Variants in INPP5J observed in about 807,000 individuals in gnomAD.
INPP5J encodes inositol polyphosphate-5-phosphatase J, also known as phosphatidylinositol 4,5-bisphosphate 5-phosphatase A.
A neutral mutation model predicts 86.6 loss-of-function variants in INPP5J; 75 were observed. The ratio of observed to expected loss-of-function variants is 0.87; its 90% CI spans 0.72 to 1.05. The LOEUF (loss-of-function observed/expected upper bound fraction) is 1.05. Ranked by LOEUF, INPP5J falls within the 50% of genes least tolerant of loss-of-function variation. The pLI is 0.00. For missense variants in INPP5J, 1,229 were observed against 1,341.2 expected, an observed-to-expected ratio of 0.92 and a Z score of 1.31; for synonymous variants, 540 against 550.0, an observed-to-expected ratio of 0.98 and a Z score of 0.25.
chr22:31,134,427 G>A lies in INPP5J; in HGVS notation c.*8G>A. The A allele has an allele frequency of 6.9e-7, 1 of 1,448,884 alleles. No homozygotes were observed. The highest frequency in any genetic ancestry group is 9.1e-7 in the Non-Finnish European group (1 of 1,100,642). 89.8% of individuals were successfully genotyped at this position (1,448,884 alleles called of 1,614,324 possible). ...GGGGGCCTGGGGCCCTGAGGGTGGG[G>A]TAGGCAGATGGGCCAAGGTGACCAC... On this transcript the variant is annotated 3_prime_UTR_variant, in exon 13 of 13. Transcript: ENST00000331075.
At chr22:31,127,179 C>T in intron 5 of INPP5J, 142 bp downstream of exon 5, 5 of 765,636 alleles carry the variant, frequency 6.5e-6, no homozygotes, top group Non-Finnish European at 1.1e-5. Context: ...CCACCCAATA[C>T]CCCATCCTAT....
Position 31,128,348 on chromosome 22 carries a change from G to A in INPP5J, c.2009+25G>A. 1.9e-6 allele frequency: 3 copies of A among 1,572,196 alleles called. No individual in the cohort carries two copies. The African/African-American group carries it at 4.0e-5, about 21-fold the overall frequency. ...GGTGAGCTCAGTCCGAGGAGGGACT[G>A]AGGGGAAGTGGGCTGAGGTCTTCTC... On this transcript the variant is annotated intron_variant, in intron 8 of 12. Coordinates refer to ENST00000331075, the MANE Select transcript of INPP5J (RefSeq NM_001284285.2).
At chr22:31,132,946 A>T (rs2413027) in intron 9 of INPP5J, among the ~76,000 whole-genome samples, 152 bp from the exon 10 acceptor site, 47,761 of 152,010 alleles carry the variant, frequency 0.31, 8,178 homozygotes, top group Middle Eastern at 0.48. Flanking sequence ...AGGGCTTGGT[A>T]TTTATACTAG....
In INPP5J at chr22:31,134,290, GC is replaced by G. The variant is rs776662867; in HGVS notation, c.2893del (p.Arg965AlafsTer2). 14 of 1,555,144 alleles carry G rather than the reference GC, an allele frequency of 9.0e-6. No individual in the cohort carries two copies. The highest frequency in any genetic ancestry group is 1.2e-5 in the Non-Finnish European group (14 of 1,150,060). On this transcript the variant is annotated frameshift_variant, in exon 13 of 13. Transcript: ENST00000331075. LOFTEE classifies it high-confidence loss of function. ...GAAGCCTGGGCCTGTTGCCCGCCTT[GC>G]GCCTAGAGACTGTAGACCCTGGTGG... ...PRSLGLLPALRLETVDPGGGG... is the reference protein window; with the variant it reads ...PRSLGLLPALXLETVDPGGGG...
rs752573804 is a variant in INPP5J, at chr22:31,134,162, C to T, written c.2764C>T (p.Arg922Ter). 3.1e-5 allele frequency: 48 copies of T among 1,549,340 alleles called. No individual in the cohort carries two copies. The highest frequency in any genetic ancestry group is 9.6e-5 in the African/African-American group (7 of 73,152). Residue 922 changes from arginine (R) to a stop codon, truncating the protein, a stop_gained, in exon 13 of 13, where the codon CGA becomes TGA. Coordinates refer to ENST00000331075, the MANE Select transcript of INPP5J (RefSeq NM_001284285.2). LOFTEE classifies it high-confidence loss of function. Reference protein sequence around the residue: ...SPSPQSRRLSRVAPDRSSNGS... With the variant: ...SPSPQSRRLS ...CTCACCCCAGAGCCGCCGCCTGTCC[C>T]GAGTGGCTCCTGACAGGAGCAGTAA...
Position 31,123,110 on chromosome 22 carries a change from A to G in INPP5J, c.96A>G (p.Ala32=). ...PMPQGVAQTG[A]PSKVDSSFQL... The stretch of plus-strand genomic sequence containing the variant: ...CCCAGGGTGTTGCCCAAACTGGGGC[A>G]CCCTCCAAGGTAAGACCCCTGAGAC... The change falls in exon 1 of 13, where the codon GCA becomes GCG. Residue 32 remains alanine, a synonymous_variant. Coordinates refer to ENST00000331075, the MANE Select transcript of INPP5J (RefSeq NM_001284285.2). 6.8e-7 allele frequency: 1 copy of G among 1,480,240 alleles called. No individual in the cohort carries two copies. Among genetic ancestry groups the G allele is most frequent in the Non-Finnish European group, 8.9e-7 (1 of 1,119,574 alleles). The allele number at this position is 1,480,240 out of a possible 1,614,324, so 91.7% of individuals were successfully genotyped here.
chr22:31,132,492 C>A (rs1227805217), intron 9 of INPP5J, among the ~76,000 whole-genome samples: 1 of 152,120 alleles, frequency 6.6e-6, no homozygotes, highest in Non-Finnish European at 1.5e-5. Flanking sequence ...ATAATCCCAG[C>A]ACTTTGGGAG....
intron 9 of INPP5J, among the ~76,000 whole-genome samples, chr22:31,130,696 A>G (rs979732731): frequency 1.3e-5 from 2 of 152,220 alleles, no homozygotes; most frequent in African/African-American, 4.8e-5. Context: ...CCATATGCCA[A>G]GCATTATGAG....
chr22:31,124,967 G>A lies in INPP5J; in HGVS notation c.228G>A (p.Arg76=), dbSNP rs749452197. The change falls in exon 2 of 13, where the codon AGG becomes AGA. Residue 76 remains arginine, a synonymous_variant. Coordinates refer to ENST00000331075, the MANE Select transcript of INPP5J (RefSeq NM_001284285.2). The part of the protein sequence containing the change: ...AAMSASSEGP[R]LALASPRPIL... ...TGTCAGCTTCCTCGGAAGGACCGAGGCTGGCTCTGGCATCTCCCCGACCAA... is the reference window on the plus strand; with the variant it reads ...TGTCAGCTTCCTCGGAAGGACCGAGACTGGCTCTGGCATCTCCCCGACCAA... 4.4e-6 allele frequency: 7 copies of A among 1,602,884 alleles called. No individual in the cohort carries two copies. The highest frequency in any genetic ancestry group is 1.6e-4 in the Middle Eastern group (1 of 6,076).
rs772668630 is a variant in INPP5J at position 31,134,312 on chromosome 22, G to A, written c.2914G>A (p.Gly972Ser). The A allele has an allele frequency of 1.2e-4, 179 of 1,553,534 alleles. No individual in the cohort carries two copies. The highest frequency in any genetic ancestry group is 1.5e-4 in the Non-Finnish European group (172 of 1,149,806). ...CTTGCGCCTAGAGACTGTAGACCCTGGTGGTGGTGGCTCCTGGGGACCTGA... is the reference window on the plus strand; with the variant it reads ...CTTGCGCCTAGAGACTGTAGACCCTAGTGGTGGTGGCTCCTGGGGACCTGA... ...PALRLETVDP[G>S]GGGSWGPDRE... The change falls in exon 13 of 13, where the codon GGT becomes AGT. Residue 972 changes from glycine to serine, a missense_variant. Transcript: ENST00000331075.
chr22:31,133,322 C>G (rs546806550), intron 10 of INPP5J, 84 bp from the exon 11 acceptor site: 1 of 1,583,676 alleles, frequency 6.3e-7, no homozygotes, highest in Admixed American at 1.8e-5. Flanking sequence ...ACTGGCTTGT[C>G]CAGATCTTGA....
At chr22:31,133,551 G>C (rs1344494023) in intron 11 of INPP5J, 59 bp from the exon 12 acceptor site, 9 of 1,590,540 alleles carry the variant, frequency 5.7e-6, no homozygotes, top group Non-Finnish European at 7.8e-6. Flanking sequence ...ACTCACCTTG[G>C]GGGCTCTCAG....
rs150976596 is a variant in INPP5J at position 31,126,464 on chromosome 22, G to A, written c.1360G>A (p.Asp454Asn). Residue 454 changes from aspartate (D) to asparagine (N), a missense_variant, in exon 3 of 13, where the codon GAC becomes AAC. By Grantham distance (23) the Asp-to-Asn change is conservative. Transcript: ENST00000331075. ...LLHLGGGDDS[D>N]GADMIAIGLQ... Reference sequence around the variant, plus strand: ...CCACCTGGGCGGTGGTGACGACAGCGACGGCGCAGACATGATCGCCATAGG... The same window carrying A: ...CCACCTGGGCGGTGGTGACGACAGCAACGGCGCAGACATGATCGCCATAGG... 5.0e-4 allele frequency: 804 copies of A among 1,613,700 alleles called. 8 individuals are homozygous for A. The East Asian group carries it at 0.015, about 30-fold the overall frequency.
At chr22:31,133,848 G>T in intron 12 of INPP5J, 65 bp from the exon 13 acceptor site, 1 of 1,598,048 alleles carries the variant, frequency 6.3e-7, no homozygotes, top group East Asian at 2.2e-5. Context: ...GGCAGACCTC[G>T]GGAGGTCAGG....
chr22:31,124,781 A>G, intron 1 of INPP5J, 64 bp from the exon 2 acceptor site: 1 of 1,408,588 alleles, frequency 7.1e-7, no homozygotes, highest in Non-Finnish European at 9.8e-7. Flanking sequence ...CAGGGTCTAT[A>G]TGGAAGTTGG....
chr22:31,123,389 G>A (rs992473430), intron 1 of INPP5J, among the ~76,000 whole-genome samples: 3 of 152,308 alleles, frequency 2.0e-5, no homozygotes, highest in African/African-American at 7.2e-5. Context: ...CACCTTTGCT[G>A]TGTGACCTTG....
chr22:31,122,764 C>T (rs1363522509), upstream of INPP5J: 2 of 426,910 alleles, frequency 4.7e-6, no homozygotes, highest in African/African-American at 2.1e-5. Flanking sequence ...TTCCTGCTGC[C>T]AGTTGGGACC....
chr22:31,133,221 A>G lies in INPP5J; in HGVS notation c.2317A>G (p.Ile773Val), dbSNP rs761977006. The change falls in exon 10 of 13, where the codon ATC (isoleucine) becomes GTC (valine). Residue 773 changes from isoleucine to valine, a missense_variant. Transcript: ENST00000331075. ...GTTCGCCCGCAGCTCCTGGGACTGG[A>G]TCGGCTTATACCGGGTGAGAGGGGC... ...TVFARSSWDW[I>V]GLYRVGFRHC... The G allele has an allele frequency of 5.0e-6, 8 of 1,607,104 alleles. No individual in the cohort carries two copies. The South Asian group carries it at 8.9e-5, about 18-fold the overall frequency.
At chr22:31,133,579 C>G in intron 11 of INPP5J, 31 bp from the exon 12 acceptor site, 1 of 1,599,530 alleles carries the variant, frequency 6.3e-7, no homozygotes, top group Non-Finnish European at 8.5e-7. Context: ...CCCTGACCCC[C>G]AACTTAGGCT....
Sources: allele counts gnomAD v4.1 joint callset (sites outside exome capture counted in the v4.1 genomes callset), GRCh38; gene constraint gnomAD v4.1.1; transcripts MANE v1.5; gene names NCBI Gene and HGNC (gene_info 2026-07-23, HGNC 2026-07-21).